Variants in KHDRBS2 observed in about 807,000 individuals in gnomAD.
KHDRBS2 encodes the protein KH RNA binding domain containing, signal transduction associated 2.
KHDRBS2 carries 26 observed loss-of-function variants against 44.3 expected under a neutral mutation model. That is an observed-to-expected ratio of 0.59 (90% CI 0.43 to 0.81). The LOEUF (loss-of-function observed/expected upper bound fraction) is 0.81. Ranked by LOEUF, KHDRBS2 falls within the 40% of genes least tolerant of loss-of-function variation. KHDRBS2 has a pLI of 0.00. For synonymous variants in KHDRBS2, 194 were observed against 151.1 expected (o/e 1.28, Z -2.08); for missense variants, 476 against 433.1 (o/e 1.10, Z -0.88).
the KHDRBS2 span, among the ~76,000 whole-genome samples, chr6:61,629,477 G>A: frequency 8.6e-5 from 13 of 151,902 alleles, 1 homozygote; most frequent in South Asian, 1.2e-3. Context: ...CTTCAGTCTC[G>A]CTAGTCAAAA....
intron 6 of KHDRBS2, among the ~76,000 whole-genome samples, chr6:61,771,522 G>T (rs1369263051): frequency 6.6e-6 from 1 of 152,088 alleles, no homozygotes; most frequent in Non-Finnish European, 1.5e-5. Context: ...ACAAAAAAAG[G>T]CAGGAGTTGC....
intron 1 of KHDRBS2, among the ~76,000 whole-genome samples, chr6:62,234,559 A>G (rs1221036997): frequency 2.0e-5 from 3 of 152,074 alleles, no homozygotes; most frequent in Non-Finnish European, 4.4e-5. Flanking sequence ...TACGGTTTTA[A>G]AAATATAAAA....
At chr6:61,708,979 A>G (rs1220932428) in intron 7 of KHDRBS2, among the ~76,000 whole-genome samples, 1 of 151,696 alleles carries the variant, frequency 6.6e-6, no homozygotes, top group South Asian at 2.1e-4. Flanking sequence ...GTCATTTTGG[A>G]CAAATCATTT....
At chr6:61,673,284 G>A in the KHDRBS2 span, among the ~76,000 whole-genome samples, 1 of 151,890 alleles carries the variant, frequency 6.6e-6, no homozygotes, top group African/African-American at 2.4e-5. Flanking sequence ...ATAGTGTGAT[G>A]CCTCCCGCTA....
At chr6:61,809,174 T>A (rs2065063) in intron 6 of KHDRBS2, among the ~76,000 whole-genome samples, 1 of 152,136 alleles carries the variant, frequency 6.6e-6, no homozygotes, top group African/African-American at 2.4e-5. Flanking sequence ...AATTTACTAA[T>A]ACCAGTCTAA....
the KHDRBS2 span, among the ~76,000 whole-genome samples, chr6:61,666,281 T>A: frequency 7.8e-6 from 1 of 128,548 alleles, no homozygotes; most frequent in Admixed American, 8.2e-5. Context: ...ATAATTTAGC[T>A]TTATAAATAA....
chr6:62,193,179 T>A (rs1030916743), intron 1 of KHDRBS2, among the ~76,000 whole-genome samples: 3 of 152,066 alleles, frequency 2.0e-5, no homozygotes, highest in Non-Finnish European at 4.4e-5. Flanking sequence ...ATACACAGTA[T>A]ACACATTTAT....
At chr6:61,708,631 T>C (rs1769977541) in intron 7 of KHDRBS2, among the ~76,000 whole-genome samples, 1 of 151,690 alleles carries the variant, frequency 6.6e-6, no homozygotes, top group African/African-American at 2.4e-5. Context: ...CAGTCATGTT[T>C]GTGTATAAAT....
chr6:61,730,741 G>A (rs1403383879), intron 7 of KHDRBS2, among the ~76,000 whole-genome samples: 1 of 152,000 alleles, frequency 6.6e-6, no homozygotes, highest in Non-Finnish European at 1.5e-5. Flanking sequence ...GCAGAAGTGT[G>A]TAGAAAATGT....
At chr6:61,611,757 G>A in the KHDRBS2 span, among the ~76,000 whole-genome samples, 4 of 151,956 alleles carry the variant, frequency 2.6e-5, no homozygotes, top group Non-Finnish European at 4.4e-5. Flanking sequence ...TTGAACTTTC[G>A]TTACATGGGT....
At chr6:61,778,029 T>C (rs1782369385) in intron 6 of KHDRBS2, among the ~76,000 whole-genome samples, 1 of 152,090 alleles carries the variant, frequency 6.6e-6, no homozygotes, top group Non-Finnish European at 1.5e-5. Context: ...ATAGTGTCTG[T>C]TGTTCCCTTC....
intron 4 of KHDRBS2, among the ~76,000 whole-genome samples, chr6:61,916,084 A>G (rs1318489356): frequency 6.6e-6 from 1 of 152,062 alleles, no homozygotes; most frequent in African/African-American, 2.4e-5. Context: ...CAGGTTTCCG[A>G]AACACTTAAT....
At chr6:61,589,658 G>A in the KHDRBS2 span, among the ~76,000 whole-genome samples, 1 of 152,110 alleles carries the variant, frequency 6.6e-6, no homozygotes, top group South Asian at 2.1e-4. Flanking sequence ...ACAAGTTAAG[G>A]GTGCAAGGAC....
intron 6 of KHDRBS2, among the ~76,000 whole-genome samples, chr6:61,882,803 C>T (rs1800391753): frequency 6.6e-6 from 1 of 151,972 alleles, no homozygotes; most frequent in African/African-American, 2.4e-5. Context: ...AGATCTCAAT[C>T]CTCATTAACC....
chr6:61,690,471 T>C (rs868491181), intron 8 of KHDRBS2, among the ~76,000 whole-genome samples: 1 of 152,014 alleles, frequency 6.6e-6, no homozygotes, highest in Non-Finnish European at 1.5e-5. Flanking sequence ...ACCTTTCCTA[T>C]GGCTTGTTTT....
At chr6:61,915,092 C>G (rs1806757434) in intron 4 of KHDRBS2, among the ~76,000 whole-genome samples, 1 of 150,744 alleles carries the variant, frequency 6.6e-6, no homozygotes, top group African/African-American at 2.4e-5. Flanking sequence ...TAGATGGAAG[C>G]CAGGCTGGAA....
rs559610347 is a variant in KHDRBS2 at position 61,832,938 on chromosome 6, T to A, written c.810+61697A>T. Among the ~76,000 whole-genome samples, 7 of 152,356 alleles carry A rather than the reference T, an allele frequency of 4.6e-5. No individual in the cohort carries two copies. The East Asian group carries it at 1.3e-3, about 29-fold the overall frequency. On this transcript the variant is annotated intron_variant, in intron 6 of 8. Transcript: ENST00000281156. ...TTTAGGGTTCATACTTTTATCTTCA[T>A]AAACTTAATACTTTGATTAAAATTA...
chr6:61,851,172 AG>A (rs2127284003), intron 6 of KHDRBS2, among the ~76,000 whole-genome samples: 1 of 152,130 alleles, frequency 6.6e-6, no homozygotes, highest in African/African-American at 2.4e-5. Context: ...CTTGCCTAAA[AG>A]CCTCTGTTGA....
chr6:61,754,653 T>C lies in KHDRBS2; in HGVS notation c.811-21889A>G, dbSNP rs994507811. Among the ~76,000 whole-genome samples, 56 of 151,944 alleles carry C rather than the reference T, an allele frequency of 3.7e-4. 1 individual carries two copies. The highest frequency in any genetic ancestry group is 1.3e-3 in the African/African-American group (53 of 41,472). On this transcript the variant is annotated intron_variant, in intron 6 of 8. Coordinates refer to ENST00000281156, the MANE Select transcript of KHDRBS2 (RefSeq NM_152688.4). Reference sequence around the variant, plus strand: ...CATGGTTTTATACAAATCTTTATAATTGATTATTGTAAAAAGATTCAGTAT... The same window carrying C: ...CATGGTTTTATACAAATCTTTATAACTGATTATTGTAAAAAGATTCAGTAT...
Sources: gnomAD v4.1 joint callset for allele counts (sites outside exome capture counted in the v4.1 genomes callset) on GRCh38, gnomAD v4.1.1 for gene constraint, MANE v1.5 for transcripts, NCBI Gene and HGNC (gene_info 2026-07-23, HGNC 2026-07-21) for gene names.